Variants in TEAD4 observed in about 807,000 individuals in gnomAD.
The protein encoded by TEAD4 is TEA domain transcription factor 4, also known as transcriptional enhancer factor TEF-3.
TEAD4 carries 36 observed loss-of-function variants against 52.4 expected under a neutral mutation model. That is an observed-to-expected ratio of 0.69 (90% CI 0.53 to 0.91). TEAD4 has a LOEUF of 0.91. Ranked by LOEUF, TEAD4 falls within the 40% of genes least tolerant of loss-of-function variation. The probability of loss-of-function intolerance (pLI) is 0.00; values close to 1 mark genes in which losing one functional copy is unlikely to be tolerated. For synonymous variants in TEAD4, 220 were observed against 231.0 expected (o/e 0.95, Z 0.43); for missense variants, 508 against 583.9 (o/e 0.87, Z 1.34).
intron 2 of TEAD4, among the ~76,000 whole-genome samples, chr12:2,980,184 T>C (rs924227938): frequency 5.9e-5 from 9 of 152,076 alleles, no homozygotes; most frequent in African/African-American, 9.7e-5. Context: ...GAGGGCAGTT[T>C]TCTTCCCCGA....
chr12:3,025,639 C>T (rs1436579827), intron 10 of TEAD4, among the ~76,000 whole-genome samples: 3 of 151,998 alleles, frequency 2.0e-5, no homozygotes, highest in Non-Finnish European at 2.9e-5. Context: ...CAGGTTCAAG[C>T]AATTCTCATG....
Position 3,022,084 on chromosome 12 carries a change from G to A in TEAD4, c.897+67G>A. 6.4e-6 allele frequency: 10 copies of A among 1,570,502 alleles called. No individual in the cohort carries two copies. In the South Asian group the frequency reaches 9.6e-5, roughly 15 times the overall value. Reference sequence around the variant, plus strand: ...CCGTGGTAGTGAGAACGGGGCGAGAGTGCCCAGAGTGTGCCCTTGTCACAG... The same window carrying A: ...CCGTGGTAGTGAGAACGGGGCGAGAATGCCCAGAGTGTGCCCTTGTCACAG... On this transcript the variant is annotated intron_variant, in intron 10 of 12. Transcript: ENST00000359864.
chr12:2,960,220 C>G lies in TEAD4; in HGVS notation c.-30+180C>G, dbSNP rs956554292. The G allele has an allele frequency of 5.4e-6, 5 of 932,394 alleles. No homozygotes were observed. In the African/African-American group the frequency reaches 8.9e-5, roughly 17 times the overall value. The allele number at this position is 932,394 out of a possible 1,614,324, so 57.8% of individuals were successfully genotyped here. A position where few individuals can be genotyped will look rare whatever the true frequency, so the allele number is the denominator to read the frequency against. On this transcript the variant is annotated intron_variant, in intron 2 of 12. Transcript: ENST00000359864. ...GGGTAAGGGGGGTGGACACTCGGGACTTTGGGGGAAAGGGAGGCCGGTGTG... is the reference window on the plus strand; with the variant it reads ...GGGTAAGGGGGGTGGACACTCGGGAGTTTGGGGGAAAGGGAGGCCGGTGTG...
At chr12:2,999,529 C>G (rs1223905563) in intron 3 of TEAD4, among the ~76,000 whole-genome samples, 1 of 152,218 alleles carries the variant, frequency 6.6e-6, no homozygotes, top group East Asian at 1.9e-4. Flanking sequence ...CAGATTAACA[C>G]CTGCTATTTC....
intron 2 of TEAD4, among the ~76,000 whole-genome samples, chr12:2,987,595 C>T (rs1018064791): frequency 8.6e-5 from 13 of 151,866 alleles, no homozygotes; most frequent in African/African-American, 2.4e-4. Context: ...CCACTGCACC[C>T]AGCTAATGTT....
At chr12:3,010,378 G>A (rs11062458) in intron 3 of TEAD4, among the ~76,000 whole-genome samples, 4,688 of 152,346 alleles carry the variant, frequency 0.031, 296 homozygotes, top group East Asian at 0.19. Context: ...CATGGAGAGT[G>A]CTCAACCTTC....
intron 2 of TEAD4, among the ~76,000 whole-genome samples, chr12:2,992,028 T>C (rs2098243475): frequency 6.8e-6 from 1 of 146,770 alleles, no homozygotes; most frequent in African/African-American, 2.5e-5. Context: ...TTTTTTTTTT[T>C]TTTTTTTTGA....
chr12:3,019,958 G>A lies in TEAD4; in HGVS notation c.584-676G>A, dbSNP rs561310200. On this transcript the variant is annotated intron_variant, in intron 8 of 12. Transcript: ENST00000359864. Reference sequence around the variant, plus strand: ...TCCAGGCCTGCTGGCTTTTGCCTGCGTTCCTGCAGCAGCCTCTCCACCGGC... The same window carrying A: ...TCCAGGCCTGCTGGCTTTTGCCTGCATTCCTGCAGCAGCCTCTCCACCGGC... 1.2e-4 allele frequency among the ~76,000 whole-genome samples: 19 copies of A among 152,200 alleles called. 1 individual carries two copies. Among genetic ancestry groups the A allele is most frequent in the South Asian group, 2.1e-4 (1 of 4,834 alleles).
intron 5 of TEAD4, 138 bp from the exon 6 acceptor site, chr12:3,017,260 C>G: frequency 5.3e-6 from 6 of 1,133,400 alleles, no homozygotes; most frequent in Non-Finnish European, 7.7e-6. Context: ...GTTAATAGCA[C>G]GGCACAGACT....
intron 2 of TEAD4, among the ~76,000 whole-genome samples, chr12:2,988,438 G>T (rs977347871): frequency 1.3e-5 from 2 of 149,116 alleles, no homozygotes; most frequent in East Asian, 2.0e-4. Flanking sequence ...AGAATCGCTT[G>T]AACCTGGGAG....
At chr12:3,000,526 C>T (rs3825366) in intron 3 of TEAD4, among the ~76,000 whole-genome samples, 1 of 151,996 alleles carries the variant, frequency 6.6e-6, no homozygotes, top group East Asian at 1.9e-4. Context: ...TTAATCCCTG[C>T]GTGGATTAAT....
chr12:3,033,548 A>G (rs955842548), intron 10 of TEAD4, among the ~76,000 whole-genome samples: 1 of 152,110 alleles, frequency 6.6e-6, no homozygotes, highest in African/African-American at 2.4e-5. Flanking sequence ...CCTTCCTCCC[A>G]TCTCAGCCTG....
chr12:2,986,480 A>C lies in TEAD4; in HGVS notation c.-29-8258A>C, dbSNP rs184469668. Among the ~76,000 whole-genome samples, 585 of 151,954 alleles carry C rather than the reference A, an allele frequency of 3.8e-3. 4 individuals carry two copies. Among genetic ancestry groups the C allele is most frequent in the Admixed American group, 6.2e-3 (95 of 15,248 alleles). On this transcript the variant is annotated intron_variant, in intron 2 of 12. Transcript: ENST00000359864. ...TGGTGAAACTCCGTCTCCACTAAAA[A>C]TACAAAAAAATTAGCCGGGCGTGGT...
rs1321637926 is a variant in TEAD4 at position 3,040,277 on chromosome 12, C to CG, written c.1191+21dup. On this transcript the variant is annotated intron_variant, in intron 12 of 12. Coordinates refer to ENST00000359864, the MANE Select transcript of TEAD4 (RefSeq NM_003213.4). Reference sequence around the variant, plus strand: ...TCCTGCAGGTGTGCGGCGGGTGCTGCGGGTGTGGCTGGAGTCTGTGTGTGG... The same window carrying CG: ...TCCTGCAGGTGTGCGGCGGGTGCTGCGGGGTGTGGCTGGAGTCTGTGTGTGG... The CG allele has an allele frequency of 6.2e-7, 1 of 1,613,948 alleles. No homozygotes were observed. The highest frequency in any genetic ancestry group is 8.5e-7 in the Non-Finnish European group (1 of 1,179,940).
chr12:3,012,262 T>TGG (rs1256213485), intron 5 of TEAD4, 30 bp downstream of exon 5: 1 of 1,610,652 alleles, frequency 6.2e-7, no homozygotes, highest in South Asian at 1.1e-5. Context: ...GGTGCTGGAG[T>TGG]GGCCAGGAGT....
chr12:3,016,262 A>G (rs1404690957), intron 5 of TEAD4, among the ~76,000 whole-genome samples: 1 of 152,112 alleles, frequency 6.6e-6, no homozygotes, highest in Admixed American at 6.5e-5. Context: ...TCCTGGGCTC[A>G]AGCGATCTAC....
At position 2,959,684 on chromosome 12, in the gene TEAD4, T is replaced by G. The variant is rs1377717466; in HGVS notation, c.-123+203T>G. 1 of 151,760 alleles carries G rather than the reference T, an allele frequency of 6.6e-6. No individual in the cohort carries two copies. Among genetic ancestry groups the G allele is most frequent in the Admixed American group, 6.6e-5 (1 of 15,166 alleles). 9.4% of individuals were successfully genotyped at this position (151,760 alleles called of 1,614,324 possible). On this transcript the variant is annotated intron_variant, in intron 1 of 12. Coordinates refer to ENST00000359864, the MANE Select transcript of TEAD4 (RefSeq NM_003213.4). The surrounding 1 kb of genome is among the most constrained non-coding windows in gnomAD (Gnocchi z 5.1). ...GCGCTCCGGCGCTGCTCGCTGCCCC[T>G]CTCCCGCTTCCCTCCTGTCCGCCCC...
intron 10 of TEAD4, among the ~76,000 whole-genome samples, chr12:3,031,087 G>A (rs1233009260): frequency 6.6e-6 from 1 of 152,184 alleles, no homozygotes; most frequent in Non-Finnish European, 1.5e-5. Flanking sequence ...TTTTTCTCAG[G>A]AGGGGCTTAA....
rs190198358 is a variant in TEAD4 at position 2,970,228 on chromosome 12, C to T, written c.-30+10188C>T. ...CTAGAACCGTAGTGTGTATTGTACA[C>T]TTAACAACACGTCTCAATTTGGACT... On this transcript the variant is annotated intron_variant, in intron 2 of 12. Coordinates refer to ENST00000359864, the MANE Select transcript of TEAD4 (RefSeq NM_003213.4). Among the ~76,000 whole-genome samples the T allele has an allele frequency of 2.3e-3, 352 of 152,350 alleles. 3 individuals are homozygous for T. The highest frequency in any genetic ancestry group is 7.7e-3 in the African/African-American group (322 of 41,578).
Sources: gnomAD v4.1 joint callset for allele counts (sites outside exome capture counted in the v4.1 genomes callset) on GRCh38, gnomAD v4.1.1 for gene constraint, Gnocchi (gnomAD v3.1) non-coding constraint, MANE v1.5 for transcripts, NCBI Gene and HGNC (gene_info 2026-07-23, HGNC 2026-07-21) for gene names.